Variants in TMCO4 observed in about 807,000 individuals in gnomAD.
TMCO4 encodes transmembrane and coiled-coil domains 4, also known as transmembrane and coiled-coil domain-containing protein 4.
A neutral mutation model predicts 64.7 loss-of-function variants in TMCO4; 58 were observed. The ratio of observed to expected loss-of-function variants is 0.90; its 90% CI spans 0.73 to 1.12. The LOEUF (loss-of-function observed/expected upper bound fraction) is 1.12, where lower values mean the gene tolerates loss of function less well. Among genes scored for constraint, TMCO4 ranks in the 50% most tolerant of loss-of-function variants. The pLI, the probability that TMCO4 is intolerant of heterozygous loss-of-function variation, is 0.00. For synonymous variants in TMCO4, 325 were observed against 346.1 expected (o/e 0.94, Z 0.68); for missense variants, 780 against 825.9 (o/e 0.94, Z 0.68).
rs555067528 is a variant in TMCO4 at position 19,756,472 on chromosome 1, T to C, written c.383-706A>G. ...CCCAGGAATTCCATTTCTGGAATTG[T>C]AATCTTAAGAAAACAACCGTAAATG... On this transcript the variant is annotated intron_variant, in intron 6 of 15. Coordinates refer to ENST00000294543, the MANE Select transcript of TMCO4 (RefSeq NM_181719.7). 6.6e-4 allele frequency among the ~76,000 whole-genome samples: 100 copies of C among 152,202 alleles called. 2 individuals carry two copies. The South Asian group carries it at 0.011, about 16-fold the overall frequency.
chr1:19,696,217 T>G (rs2095235704), intron 14 of TMCO4, among the ~76,000 whole-genome samples: 1 of 152,192 alleles, frequency 6.6e-6, no homozygotes, highest in Non-Finnish European at 1.5e-5. Flanking sequence ...CAGGTACCGA[T>G]GATTATCCTA....
At position 19,688,638 on chromosome 1, in the gene TMCO4, T is replaced by G. The variant is rs2143291; in HGVS notation, c.1501-5194A>C. 6.6e-5 allele frequency among the ~76,000 whole-genome samples: 10 copies of G among 152,228 alleles called. No individual in the cohort carries two copies. The South Asian group carries it at 2.1e-3, about 32-fold the overall frequency. On this transcript the variant is annotated intron_variant, in intron 15 of 15. Coordinates refer to ENST00000294543, the MANE Select transcript of TMCO4 (RefSeq NM_181719.7). ...AGAGATGTGTGAATGCAGGCAGTAC[T>G]GAAGCAGTGGTTAACAGCCCAGGTT...
chr1:19,765,866 C>T (rs776307241), intron 6 of TMCO4, among the ~76,000 whole-genome samples: 4 of 152,170 alleles, frequency 2.6e-5, no homozygotes, highest in Non-Finnish European at 4.4e-5. Context: ...CGTGACTAAT[C>T]AGCCCGTCTC....
At chr1:19,770,252 A>G (rs924865739) in intron 6 of TMCO4, among the ~76,000 whole-genome samples, 5 of 152,238 alleles carry the variant, frequency 3.3e-5, no homozygotes, top group African/African-American at 1.2e-4. Context: ...ACAGTGGCTT[A>G]GACCAGGGGC....
chr1:19,698,857 C>T (rs1182010943), intron 14 of TMCO4, among the ~76,000 whole-genome samples: 1 of 152,244 alleles, frequency 6.6e-6, no homozygotes, highest in East Asian at 1.9e-4. Context: ...CCACTGCACA[C>T]ATGCAATTTT....
intron 3 of TMCO4, among the ~76,000 whole-genome samples, chr1:19,781,470 A>G (rs2043472712): frequency 6.6e-6 from 1 of 151,716 alleles, no homozygotes; most frequent in Admixed American, 6.6e-5. Flanking sequence ...TCTTAAAAAA[A>G]AAAAAAACCC....
At chr1:19,716,362 T>G (rs917156331) in intron 13 of TMCO4, among the ~76,000 whole-genome samples, 24 of 147,690 alleles carry the variant, frequency 1.6e-4, no homozygotes, top group Non-Finnish European at 3.0e-4. Context: ...CCCGGCTATT[T>G]TTTTTTTCTT....
At chr1:19,733,137 G>A (rs1379203370) in intron 13 of TMCO4, among the ~76,000 whole-genome samples, 1 of 151,950 alleles carries the variant, frequency 6.6e-6, no homozygotes, top group African/African-American at 2.4e-5. Context: ...CAATGTTGCG[G>A]GCACGTGTAA....
chr1:19,699,195 CAA>C (rs138882998), intron 14 of TMCO4, among the ~76,000 whole-genome samples: 3 of 116,312 alleles, frequency 2.6e-5, no homozygotes, highest in South Asian at 2.6e-4. Context: ...GACTCCGTTT[CAA>C]AAAAAAAAAA....
Position 19,759,224 on chromosome 1 carries a change from G to C in TMCO4, c.383-3458C>G, listed in dbSNP as rs949936145. 6.0e-5 allele frequency among the ~76,000 whole-genome samples: 9 copies of C among 151,110 alleles called. 1 individual carries two copies. In the South Asian group the frequency reaches 1.0e-3, roughly 18 times the overall value. The stretch of plus-strand genomic sequence containing the variant: ...GACATGTAACCCAACAGCTGATGCT[G>C]ACAGCTGCACCTGCAAAACATATCC... On this transcript the variant is annotated intron_variant, in intron 6 of 15. Transcript: ENST00000294543.
chr1:19,700,778 C>A lies in TMCO4; in HGVS notation c.1372G>T (p.Gly458Cys), dbSNP rs201810750. 7.4e-6 allele frequency: 12 copies of A among 1,614,086 alleles called. No individual in the cohort carries two copies. The highest frequency in any genetic ancestry group is 7.6e-6 in the Non-Finnish European group (9 of 1,179,930). ...GAGGTTTGGACAGACCTGCAGTAGC[C>A]GTTGATGATCCTCCCGGACACCACC... ...RKVVSGRIINGYCRGDWLLSF... is the reference protein window; with the variant it reads ...RKVVSGRIINCYCRGDWLLSF... The change falls in exon 14 of 16, where the codon GGC becomes TGC. Residue 458 changes from glycine (G) to cysteine (C), a missense_variant. Physicochemically the swap from Gly to Cys is radical, Grantham distance 159. Transcript: ENST00000294543.
At chr1:19,714,815 C>T (rs2100701586) in intron 13 of TMCO4, among the ~76,000 whole-genome samples, 1 of 152,146 alleles carries the variant, frequency 6.6e-6, no homozygotes, top group East Asian at 1.9e-4. Context: ...TCCAGTTACT[C>T]AGGAAGCTGA....
chr1:19,746,537 C>T lies in TMCO4; in HGVS notation c.676G>A (p.Ala226Thr), dbSNP rs1007679401. ...GCTGAGCCCAGAGCCGCTGCCCCGG[C>T]GCTGCCAATAATCGTCGCTGCTCCA... ...AAGAATIIGS[A>T]GAAALGSAAG... The change falls in exon 9 of 16, where the codon GCC becomes ACC. Residue 226 changes from alanine (A) to threonine (T), a missense_variant. Transcript: ENST00000294543. 1.3e-5 allele frequency: 21 copies of T among 1,611,326 alleles called. No homozygotes were observed. The highest frequency in any genetic ancestry group is 5.0e-5 in the Admixed American group (3 of 59,648).
At chr1:19,685,731 T>TTTTTTTTGG (rs1491218881) in intron 15 of TMCO4, among the ~76,000 whole-genome samples, 1 of 121,552 alleles carries the variant, frequency 8.2e-6, no homozygotes, top group African/African-American at 3.3e-5. Context: ...TTTTTTTTTT[T>TTTTTTTTGG]GAGACAGAGT....
intron 4 of TMCO4, among the ~76,000 whole-genome samples, chr1:19,777,566 C>A (rs926107991): frequency 6.6e-6 from 1 of 152,124 alleles, no homozygotes; most frequent in African/African-American, 2.4e-5. Flanking sequence ...CCAGGCTGGT[C>A]TTGAACTCTT....
intron 13 of TMCO4, among the ~76,000 whole-genome samples, chr1:19,702,261 G>A (rs1298352094): frequency 1.4e-5 from 2 of 143,956 alleles, no homozygotes; most frequent in African/African-American, 5.3e-5. Context: ...GAGCCACCGT[G>A]CCTGGCCGAG....
intron 15 of TMCO4, among the ~76,000 whole-genome samples, chr1:19,683,758 C>CTTTTTTTTTTTTTT (rs531431284): frequency 2.5e-5 from 2 of 79,050 alleles, no homozygotes; most frequent in African/African-American, 1.0e-4. Flanking sequence ...TTGTCTGAAG[C>CTTTTTTTTTTTTTT]TTTTTTTTTT....
intron 7 of TMCO4, among the ~76,000 whole-genome samples, chr1:19,748,973 G>T (rs2041913574): frequency 6.6e-6 from 1 of 152,160 alleles, no homozygotes; most frequent in African/African-American, 2.4e-5. Flanking sequence ...CATCTCCTGG[G>T]TGTAAAGCCC....
At chr1:19,756,027 G>A (rs10917531) in intron 6 of TMCO4, among the ~76,000 whole-genome samples, 28,282 of 152,032 alleles carry the variant, frequency 0.19, 3,132 homozygotes, top group East Asian at 0.39. Context: ...CAGGCAGATC[G>A]CTTGAGTCCA....
Sources: allele counts gnomAD v4.1 joint callset (sites outside exome capture counted in the v4.1 genomes callset), GRCh38; gene constraint gnomAD v4.1.1; transcripts MANE v1.5; gene names NCBI Gene and HGNC (gene_info 2026-07-23, HGNC 2026-07-21).